Variants in ARL17B observed in about 807,000 individuals in gnomAD.
ARL17B encodes ARF like GTPase 17B, also known as ADP-ribosylation factor-like protein 17.
chr17:46,324,054 C>T (rs1323932930), intron 3 of ARL17B, among the ~76,000 whole-genome samples: 2 of 116,574 alleles, frequency 1.7e-5, no homozygotes, highest in African/African-American at 5.9e-5. Flanking sequence ...GACAACTGTT[C>T]ACTCCTTTTT....
At chr17:46,344,224 A>AC (rs1269377689) in intron 3 of ARL17B, among the ~76,000 whole-genome samples, 2 of 142,984 alleles carry the variant, frequency 1.4e-5, no homozygotes, top group East Asian at 4.1e-4. Flanking sequence ...CAAAAAATAA[A>AC]TAAATAGGAG....
chr17:46,290,118 TA>T (rs1455689833), intron 4 of ARL17B, among the ~76,000 whole-genome samples: 2 of 148,298 alleles, frequency 1.3e-5, no homozygotes, highest in Non-Finnish European at 3.1e-5. Flanking sequence ...GACCCTGTCT[TA>T]AAACAAAACA....
At chr17:46,285,309 T>C (rs905955078) in intron 4 of ARL17B, among the ~76,000 whole-genome samples, 5 of 151,770 alleles carry the variant, frequency 3.3e-5, no homozygotes, top group Admixed American at 2.6e-4. Context: ...GGCTCGATCT[T>C]GGCTCACTGC....
chr17:46,283,074 A>G (rs1394447837), intron 4 of ARL17B, among the ~76,000 whole-genome samples: 3 of 152,162 alleles, frequency 2.0e-5, no homozygotes, highest in Non-Finnish European at 4.4e-5. Flanking sequence ...AGGTGAGATC[A>G]CACCACTGCA....
At chr17:46,275,353 T>C in exon 5 of ARL17B, 2 of 977,428 alleles carry the variant, frequency 2.0e-6, no homozygotes, top group Non-Finnish European at 3.0e-6. Context: ...ATTCTTGCTG[T>C]GTTTTATGTT....
downstream of ARL17B, among the ~76,000 whole-genome samples, chr17:46,332,954 G>T (rs1162307582): frequency 7.9e-5 from 12 of 151,216 alleles, 1 homozygote; most frequent in Admixed American, 2.0e-4. Flanking sequence ...TCAACAATTG[G>T]ATGTACTCAT....
chr17:46,352,025 C>T (rs1207957851), intron 3 of ARL17B, among the ~76,000 whole-genome samples: 6 of 151,784 alleles, frequency 4.0e-5, no homozygotes, highest in South Asian at 2.1e-4. Context: ...CACCTGAGGT[C>T]GGGAGTTCGA....
rs1387215990 is a variant in ARL17B at position 46,336,307 on chromosome 17, G to A, written c.*3193C>T. Among the ~76,000 whole-genome samples the A allele has an allele frequency of 6.4e-5, 1 of 15,514 alleles. No homozygotes were observed. The highest frequency in any genetic ancestry group is 3.8e-4 in the Non-Finnish European group (1 of 2,658). 10.2% of individuals were successfully genotyped at this position (15,514 alleles called of 152,430 possible). On this transcript the variant is annotated 3_prime_UTR_variant, in exon 4 of 4. Coordinates refer to ENST00000450673, the MANE Select transcript of ARL17B (RefSeq NM_001039083.5). The stretch of plus-strand genomic sequence containing the variant: ...ACCTCACAGAATTTTAACCAGAAAG[G>A]CCAGGCAGGATGGCTCACGCCTGTA...
intron 4 of ARL17B, among the ~76,000 whole-genome samples, chr17:46,287,467 C>A (rs2143422530): frequency 6.6e-6 from 1 of 152,338 alleles, no homozygotes; most frequent in South Asian, 2.1e-4. Flanking sequence ...ACTACAAGGA[C>A]CATGCAGGTC....
intron 4 of ARL17B, among the ~76,000 whole-genome samples, chr17:46,276,064 T>C (rs2049579291): frequency 6.6e-6 from 1 of 152,214 alleles, no homozygotes; most frequent in Non-Finnish European, 1.5e-5. Flanking sequence ...CTAATTTTTG[T>C]ACTTTTTGTA....
intron 3 of ARL17B, among the ~76,000 whole-genome samples, chr17:46,321,363 A>AAG (rs1293851766): frequency 1.5e-5 from 1 of 68,052 alleles, no homozygotes; most frequent in Non-Finnish European, 2.4e-5. Flanking sequence ...CTCAGAAAAA[A>AAG]AAAAAAAAAA....
chr17:46,280,794 G>A (rs1359187099), intron 4 of ARL17B, among the ~76,000 whole-genome samples: 3 of 152,106 alleles, frequency 2.0e-5, no homozygotes, highest in Non-Finnish European at 2.9e-5. Flanking sequence ...GGATGGTCTC[G>A]AAATGCTGAC....
intron 4 of ARL17B, among the ~76,000 whole-genome samples, chr17:46,282,772 A>G (rs1423357222): frequency 1.3e-5 from 2 of 152,164 alleles, no homozygotes; most frequent in Non-Finnish European, 2.9e-5. Context: ...CTTAGAAACC[A>G]TCTTCCTTGC....
chr17:46,327,849 G>A (rs932712637), intron 3 of ARL17B, among the ~76,000 whole-genome samples: 2 of 23,126 alleles, frequency 8.6e-5, no homozygotes, highest in African/African-American at 1.5e-4. Context: ...ATCACTCTTC[G>A]TGGATTCTTC....
Position 46,327,479 on chromosome 17 carries a change from G to C in ARL17B, c.259+25341C>G, listed in dbSNP as rs1282207607. 9.3e-5 allele frequency among the ~76,000 whole-genome samples: 2 copies of C among 21,540 alleles called. 1 individual carries two copies. Among genetic ancestry groups the C allele is most frequent in the African/African-American group, 1.6e-4 (2 of 12,786 alleles). The allele number at this position is 21,540 out of a possible 152,430, so 14.1% of individuals were successfully genotyped here. A position where few individuals can be genotyped will look rare whatever the true frequency, so the allele number is the denominator to read the frequency against. ...ATGGTGGTGCAAGCCTATACTCCCA[G>C]CTACTCAGGAGGCTGAATTTGGAGG... On this transcript the variant is annotated intron_variant, in intron 3 of 4. Transcript: ENST00000434041.
At chr17:46,332,434 A>C, downstream of ARL17B, 4 of 430,202 alleles carry the variant, frequency 9.3e-6, no homozygotes, top group South Asian at 2.1e-5. Context: ...CCTGGGTGAC[A>C]GAGTGAGACC....
intron 3 of ARL17B, among the ~76,000 whole-genome samples, chr17:46,344,196 CAG>C (rs1275524527): frequency 2.1e-4 from 26 of 122,650 alleles, no homozygotes; most frequent in African/African-American, 4.4e-4. Context: ...GCCTGGACAA[CAG>C]AGTGAGGCCC....
At chr17:46,288,780 T>C (rs1348429878) in intron 4 of ARL17B, among the ~76,000 whole-genome samples, 1 of 151,752 alleles carries the variant, frequency 6.6e-6, no homozygotes, top group East Asian at 1.9e-4. Flanking sequence ...CTCGGCTCAG[T>C]GTACCCTGCA....
intron 4 of ARL17B, among the ~76,000 whole-genome samples, chr17:46,288,041 A>G (rs977468253): frequency 6.6e-6 from 1 of 152,212 alleles, no homozygotes; most frequent in East Asian, 1.9e-4. Flanking sequence ...CTACCAAGGC[A>G]TTTCTTGGTA....
Sources: allele counts gnomAD v4.1 joint callset (sites outside exome capture counted in the v4.1 genomes callset), GRCh38; gene constraint gnomAD v4.1.1; transcripts MANE v1.5; gene names NCBI Gene and HGNC (gene_info 2026-07-23, HGNC 2026-07-21).